Variants in HLF observed in about 807,000 individuals in gnomAD.
HLF encodes the protein HLF transcription factor, PAR bZIP family member, also known as hepatic leukemia factor.
Under a neutral mutation model 22.6 loss-of-function variants are expected in HLF, and 3 were observed. That is an observed-to-expected ratio of 0.13 (90% CI 0.06 to 0.34). HLF has a LOEUF of 0.34. Ranked by LOEUF, HLF falls within the 10% of genes least tolerant of loss-of-function variation. The pLI is 1.00. For synonymous variants in HLF, 151 were observed against 151.8 expected, an observed-to-expected ratio of 0.99 and a Z score of 0.04; for missense variants, 299 against 389.2, an observed-to-expected ratio of 0.77 and a Z score of 1.95.
chr17:55,298,236 A>G (rs2081127076), intron 2 of HLF, among the ~76,000 whole-genome samples: 1 of 152,086 alleles, frequency 6.6e-6, no homozygotes, highest in African/African-American at 2.4e-5. Flanking sequence ...GATTTTGTCA[A>G]TGTACTCAAA....
intron 2 of HLF, among the ~76,000 whole-genome samples, chr17:55,278,776 A>T (rs56302454): frequency 0.012 from 1,838 of 152,352 alleles, 32 homozygotes; most frequent in African/African-American, 0.041. Flanking sequence ...ATGTGGGCTG[A>T]GTTAGTAACA....
chr17:55,274,513 A>C (rs2080887932), intron 2 of HLF, among the ~76,000 whole-genome samples: 1 of 152,190 alleles, frequency 6.6e-6, no homozygotes, highest in Admixed American at 6.5e-5. Flanking sequence ...CCTCTGTCTC[A>C]CCATGCACAA....
At chr17:55,296,869 A>G (rs2081116029) in intron 2 of HLF, among the ~76,000 whole-genome samples, 1 of 151,108 alleles carries the variant, frequency 6.6e-6, no homozygotes, top group Non-Finnish European at 1.5e-5. Flanking sequence ...CCCAGGCCCC[A>G]TTTTCAGATC....
At chr17:55,315,103 A>G in intron 2 of HLF, 124 bp from the exon 3 acceptor site, 1 of 712,720 alleles carries the variant, frequency 1.4e-6, no homozygotes, top group Non-Finnish European at 2.5e-6. Context: ...AGTAAGATAA[A>G]TCATGTTAGC....
At chr17:55,314,674 G>T (rs1238073173) in intron 2 of HLF, among the ~76,000 whole-genome samples, 1 of 152,168 alleles carries the variant, frequency 6.6e-6, no homozygotes, top group African/African-American at 2.4e-5. Flanking sequence ...TTGGCACCTA[G>T]AATACCCTTT....
intron 2 of HLF, among the ~76,000 whole-genome samples, chr17:55,313,263 C>G (rs1431707853): frequency 6.6e-6 from 1 of 152,024 alleles, no homozygotes; most frequent in Non-Finnish European, 1.5e-5. Context: ...TTTGTAGAAG[C>G]TGAACTCTGA....
Position 55,288,782 on chromosome 17 carries a change from A to C in HLF, c.451+20696A>C, listed in dbSNP as rs1254566821. 1.2e-5 allele frequency: 4 copies of C among 325,320 alleles called. No homozygotes were observed. In the Admixed American group the frequency reaches 1.9e-4, roughly 16 times the overall value. The allele number at this position is 325,320 out of a possible 1,614,324, so 20.2% of individuals were successfully genotyped here. A position where few individuals can be genotyped will look rare whatever the true frequency, so the allele number is the denominator to read the frequency against. ...AAAAAAAAAAAAGTTAAATTAAAAA[A>C]AATATTCAAGAATGAAGAGTGTTTT... On this transcript the variant is annotated intron_variant, in intron 2 of 3. Transcript: ENST00000226067.
chr17:55,267,693 C>T (rs1486173445), intron 1 of HLF, 58 bp from the exon 2 acceptor site: 11 of 1,181,952 alleles, frequency 9.3e-6, no homozygotes, highest in South Asian at 3.0e-5. Context: ...GATAAAAGAG[C>T]GGTATTGTTT....
chr17:55,273,398 T>A (rs968522798), intron 2 of HLF: 2 of 152,192 alleles, frequency 1.3e-5, no homozygotes, highest in African/African-American at 4.8e-5. Flanking sequence ...ATGACTGGAT[T>A]CCCAATCCCT....
intron 2 of HLF, among the ~76,000 whole-genome samples, chr17:55,286,858 CT>C (rs2081008494): frequency 1.3e-5 from 2 of 152,178 alleles, no homozygotes; most frequent in South Asian, 4.1e-4. Flanking sequence ...CAGGCTGCTT[CT>C]TCCTTCCATG....
chr17:55,265,484 G>A lies in HLF; in HGVS notation c.-1G>A, dbSNP rs755726008. 5.7e-6 allele frequency: 9 copies of A among 1,580,854 alleles called. No individual in the cohort carries two copies. Among genetic ancestry groups the A allele is most frequent in the Non-Finnish European group, 7.8e-6 (9 of 1,152,524 alleles). On this transcript the variant is annotated 5_prime_UTR_variant, in exon 1 of 4. Coordinates refer to ENST00000226067, the MANE Select transcript of HLF (RefSeq NM_002126.5). The stretch of plus-strand genomic sequence containing the variant: ...AGGGGAAAAAATTTGAGTGCATCGC[G>A]ATGGAGAAAATGTCCCGACCGCTCC...
intron 2 of HLF, among the ~76,000 whole-genome samples, chr17:55,285,469 C>T (rs1450935018): frequency 6.6e-6 from 1 of 152,216 alleles, no homozygotes; most frequent in Non-Finnish European, 1.5e-5. Flanking sequence ...TTTGCCAGGC[C>T]TGCAATGCCT....
At chr17:55,294,000 GT>G (rs1482528843) in intron 2 of HLF, among the ~76,000 whole-genome samples, 1 of 151,892 alleles carries the variant, frequency 6.6e-6, no homozygotes, top group Non-Finnish European at 1.5e-5. Context: ...TTTAACACAG[GT>G]TTTACTTTTA....
rs139983672 is a variant in HLF, at chr17:55,322,940, C to A, written c.*2061C>A. 1 of 224,610 alleles carries A rather than the reference C, an allele frequency of 4.5e-6. No homozygotes were observed. Among genetic ancestry groups the A allele is most frequent in the African/African-American group, 2.2e-5 (1 of 44,992 alleles). 13.9% of individuals were successfully genotyped at this position (224,610 alleles called of 1,614,324 possible). On this transcript the variant is annotated 3_prime_UTR_variant, in exon 4 of 4. Coordinates refer to ENST00000226067, the MANE Select transcript of HLF (RefSeq NM_002126.5). ...AAAATGTCAAGAAATTCTGCTGTTA[C>A]GACAAAGAAACATTTTACGCTAGAT...
intron 2 of HLF, among the ~76,000 whole-genome samples, chr17:55,291,522 C>G (rs2081061464): frequency 6.6e-6 from 1 of 152,122 alleles, no homozygotes; most frequent in African/African-American, 2.4e-5. Flanking sequence ...ACCTACTGCT[C>G]AGGAAAAAAA....
chr17:55,297,554 A>G (rs1375789381), intron 2 of HLF, among the ~76,000 whole-genome samples: 3 of 151,736 alleles, frequency 2.0e-5, no homozygotes, highest in Non-Finnish European at 4.4e-5. Flanking sequence ...GCTCTTCTTT[A>G]CTGCCTGCCT....
chr17:55,288,912 G>A, intron 2 of HLF: 3 of 985,318 alleles, frequency 3.0e-6, no homozygotes, highest in Non-Finnish European at 3.6e-6. Context: ...GCTCCAGCCT[G>A]CATGTTCCCA....
intron 1 of HLF, chr17:55,265,948 C>G (rs1389576777): frequency 5.2e-6 from 4 of 772,810 alleles, no homozygotes; most frequent in Non-Finnish European, 6.4e-6. Context: ...CTGCGGAGGG[C>G]AGAGCCTCCC....
chr17:55,267,505 G>A lies in HLF; in HGVS notation c.116-246G>A, dbSNP rs62079900. 2,905 of 439,494 alleles carry A rather than the reference G, an allele frequency of 6.6e-3. 23 individuals are homozygous for A. Among genetic ancestry groups the A allele is most frequent in the South Asian group, 0.021 (450 of 21,336 alleles). 27.2% of individuals were successfully genotyped at this position (439,494 alleles called of 1,614,324 possible). A position where few individuals can be genotyped will look rare whatever the true frequency, so the allele number is the denominator to read the frequency against. ...GTTCTCTGGTTTTTATCCTAGATCAGCCTGTAGCCCTGCCCCAAGGACTAG... is the reference window on the plus strand; with the variant it reads ...GTTCTCTGGTTTTTATCCTAGATCAACCTGTAGCCCTGCCCCAAGGACTAG... On this transcript the variant is annotated intron_variant, in intron 1 of 3. Transcript: ENST00000226067.
Sources: allele counts gnomAD v4.1 joint callset (sites outside exome capture counted in the v4.1 genomes callset), GRCh38; gene constraint gnomAD v4.1.1; transcripts MANE v1.5; gene names NCBI Gene and HGNC (gene_info 2026-07-23, HGNC 2026-07-21).